PCDHA13: variants seen among roughly 807,000 people sequenced by gnomAD.
PCDHA13 encodes the protein protocadherin alpha 13.
In PCDHA13, 54 loss-of-function variants were observed where a neutral mutation model predicts 64.8. The ratio of observed to expected loss-of-function variants is 0.83; its 90% CI spans 0.67 to 1.04. PCDHA13 has a LOEUF of 1.04. PCDHA13 is among the 50% of genes least tolerant of loss of function. The pLI is 0.00. For missense variants in PCDHA13, 1,248 were observed against 1,254.3 expected, an observed-to-expected ratio of 0.99 and a Z score of 0.08; for synonymous variants, 587 against 564.4, an observed-to-expected ratio of 1.04 and a Z score of -0.57.
At position 140,882,808 on chromosome 5, in the gene PCDHA13, G is replaced by A. The variant is rs1554175666; in HGVS notation, c.540G>A (p.Leu180=). Residue 180 remains leucine (L), a synonymous_variant, in exon 1 of 4, where the codon TTG becomes TTA. Coordinates refer to ENST00000289272, the MANE Select transcript of PCDHA13 (RefSeq NM_018904.3). ...YRLDPNDYFT[L]DAQNSLEQMS... ...TGGATCCCAACGATTATTTCACTTTGGACGCACAAAACAGTCTTGAGCAAA... is the reference window on the plus strand; with the variant it reads ...TGGATCCCAACGATTATTTCACTTTAGACGCACAAAACAGTCTTGAGCAAA... 1 of 1,614,208 alleles carries A rather than the reference G, an allele frequency of 6.2e-7. No homozygotes were observed. The highest frequency in any genetic ancestry group is 8.5e-7 in the Non-Finnish European group (1 of 1,180,044).
intron 1 of PCDHA13, among the ~76,000 whole-genome samples, chr5:140,964,342 C>T (rs2095825714): frequency 6.6e-6 from 1 of 152,184 alleles, no homozygotes; most frequent in Non-Finnish European, 1.5e-5. Context: ...TGGCAGGTGT[C>T]CTTGCTGGAA....
Position 140,929,272 on chromosome 5 carries a change from T to G in PCDHA13, c.2394+44610T>G, listed in dbSNP as rs560527071. Reference sequence around the variant, plus strand: ...TGGGGTAGGACTGAATTTGCCAATATCCTGTATTCAGATTCGGAATAGGAA... The same window carrying G: ...TGGGGTAGGACTGAATTTGCCAATAGCCTGTATTCAGATTCGGAATAGGAA... On this transcript the variant is annotated intron_variant, in intron 1 of 3. Transcript: ENST00000289272. The G allele has an allele frequency of 1.3e-4, 206 of 1,607,152 alleles. 1 individual carries two copies. The South Asian group carries it at 2.1e-3, about 17-fold the overall frequency.
chr5:140,953,837 C>T (rs1585533226), intron 1 of PCDHA13, among the ~76,000 whole-genome samples: 1 of 151,614 alleles, frequency 6.6e-6, no homozygotes, highest in African/African-American at 2.4e-5. Flanking sequence ...GGTTTGTTAC[C>T]CAGGTAAACA....
At chr5:141,005,701 CAAAAAAAAAAAAAA>C (rs59860837) in intron 3 of PCDHA13, among the ~76,000 whole-genome samples, 79 of 7,792 alleles carry the variant, frequency 0.01, 1 homozygote, top group Admixed American at 0.027. Flanking sequence ...AACTCCGTCT[CAAAAAAAAAAAAAA>C]AAAAAAAAAA....
At chr5:141,002,797 G>A (rs1025670333) in intron 3 of PCDHA13, among the ~76,000 whole-genome samples, 2 of 152,190 alleles carry the variant, frequency 1.3e-5, no homozygotes, top group African/African-American at 4.8e-5. Context: ...TATGGATGAG[G>A]AAACTGAGGC....
intron 1 of PCDHA13, among the ~76,000 whole-genome samples, chr5:140,953,785 T>C (rs2094935669): frequency 6.6e-6 from 1 of 152,224 alleles, no homozygotes. Context: ...TTTATTTTTT[T>C]CTTCAACTTT....
At chr5:140,927,601 G>A (rs1490799029) in intron 1 of PCDHA13, 1 of 1,614,198 alleles carries the variant, frequency 6.2e-7, no homozygotes, top group Non-Finnish European at 8.5e-7. Flanking sequence ...TGAGCGCTCC[G>A]TATACCGCAC....
chr5:140,891,612 T>C (rs182874243), intron 1 of PCDHA13, among the ~76,000 whole-genome samples: 2 of 152,350 alleles, frequency 1.3e-5, no homozygotes, highest in Admixed American at 1.3e-4. Context: ...TTCTACCTTT[T>C]ATTTTAACAC....
chr5:140,915,262 T>G (rs539637990), intron 1 of PCDHA13, among the ~76,000 whole-genome samples: 1 of 152,290 alleles, frequency 6.6e-6, no homozygotes, highest in Admixed American at 6.5e-5. Context: ...GTTATTATTT[T>G]TGACCAGTTC....
At chr5:140,978,739 T>C (rs2096820890) in intron 1 of PCDHA13, among the ~76,000 whole-genome samples, 1 of 152,252 alleles carries the variant, frequency 6.6e-6, no homozygotes, top group Non-Finnish European at 1.5e-5. Context: ...TCTTCCAGGG[T>C]ATCTAATCTG....
intron 1 of PCDHA13, among the ~76,000 whole-genome samples, chr5:140,964,516 C>G (rs1410737676): frequency 6.6e-6 from 1 of 152,006 alleles, no homozygotes; most frequent in African/African-American, 2.4e-5. Flanking sequence ...ACCCAGTGGC[C>G]AGGTCTCTGA....
intron 1 of PCDHA13, among the ~76,000 whole-genome samples, chr5:140,961,451 T>C (rs1307588711): frequency 1.3e-5 from 2 of 152,238 alleles, no homozygotes; most frequent in Non-Finnish European, 2.9e-5. Context: ...TACACTGTCT[T>C]GCAGCTGCCT....
chr5:140,966,938 G>T, intron 1 of PCDHA13: 1 of 1,604,146 alleles, frequency 6.2e-7, no homozygotes, highest in African/African-American at 1.3e-5. Flanking sequence ...CGGCGCGCTC[G>T]TGGGCAACGT....
chr5:140,979,088 A>G, intron 2 of PCDHA13, 81 bp downstream of exon 2: 1 of 1,559,594 alleles, frequency 6.4e-7, no homozygotes, highest in Non-Finnish European at 8.7e-7. Flanking sequence ...ATAGGCCAGA[A>G]GCAGCTGTCA....
At chr5:140,999,892 G>A (rs1329841334) in intron 3 of PCDHA13, among the ~76,000 whole-genome samples, 1 of 152,134 alleles carries the variant, frequency 6.6e-6, no homozygotes, top group Non-Finnish European at 1.5e-5. Context: ...GCTGTAGCTT[G>A]GGACACCAAA....
intron 1 of PCDHA13, chr5:140,927,096 G>A (rs1554204014): frequency 1.2e-6 from 2 of 1,612,778 alleles, no homozygotes; most frequent in Admixed American, 1.7e-5. Context: ...ACTTCGGGGT[G>A]GATCTACCCA....
intron 1 of PCDHA13, among the ~76,000 whole-genome samples, chr5:140,896,062 C>T (rs781234487): frequency 1.1e-4 from 17 of 152,104 alleles, no homozygotes; most frequent in South Asian, 4.2e-4. Flanking sequence ...CCGCCTGCCT[C>T]GGCCTCCCAA....
In PCDHA13 at chr5:140,882,314, C is replaced by G. The variant is rs370330527; in HGVS notation, c.46C>G (p.Leu16Val). 9 of 1,614,000 alleles carry G rather than the reference C, an allele frequency of 5.6e-6. No individual in the cohort carries two copies. The Admixed American group carries it at 6.7e-5, about 12-fold the overall frequency. The change falls in exon 1 of 4, where the codon CTC becomes GTC. Residue 16 changes from leucine to valine, a missense_variant. Transcript: ENST00000289272. Reference protein sequence around the residue: ...QGGPRPRQLLLWLLILAAWET... With the variant: ...QGGPRPRQLLVWLLILAAWET... ...AGGCCCAAGACCGCGGCAACTACTGCTCTGGCTTCTGATCCTCGCAGCCTG... is the reference window on the plus strand; with the variant it reads ...AGGCCCAAGACCGCGGCAACTACTGGTCTGGCTTCTGATCCTCGCAGCCTG...
chr5:141,010,293 G>A lies in PCDHA13; in HGVS notation c.*356G>A. ...ATCCTGTCTTGATGACACTTGCAGG[G>A]CAGGCTGAAAAGTTTTGAGATTGAG... On this transcript the variant is annotated 3_prime_UTR_variant, in exon 4 of 4. Transcript: ENST00000289272. The A allele has an allele frequency of 6.5e-7, 1 of 1,549,794 alleles. No individual in the cohort carries two copies. The highest frequency in any genetic ancestry group is 2.4e-5 in the East Asian group (1 of 40,902).
Sources: gnomAD v4.1 joint callset for allele counts (sites outside exome capture counted in the v4.1 genomes callset) on GRCh38, gnomAD v4.1.1 for gene constraint, MANE v1.5 for transcripts, NCBI Gene and HGNC (gene_info 2026-07-23, HGNC 2026-07-21) for gene names.